CCND3: variants seen among roughly 807,000 people sequenced by gnomAD.
CCND3 encodes cyclin D3.
CCND3 carries 9 observed loss-of-function variants against 28.7 expected under a neutral mutation model. The ratio of observed to expected loss-of-function variants is 0.31; its 90% CI spans 0.19 to 0.55. The LOEUF (loss-of-function observed/expected upper bound fraction) is 0.55, where lower values mean the gene tolerates loss of function less well. Among genes scored for constraint, CCND3 ranks in the 20% least tolerant of loss-of-function variants. The pLI is 0.93. For missense variants in CCND3, 315 were observed against 385.8 expected (o/e 0.82, Z 1.54); for synonymous variants, 164 against 163.9 (o/e 1.00, Z 0.00).
intron 1 of CCND3, among the ~76,000 whole-genome samples, chr6:41,958,938 T>C (rs1055761741): frequency 6.6e-6 from 1 of 152,222 alleles, no homozygotes; most frequent in African/African-American, 2.4e-5. Flanking sequence ...TCAATAGAGT[T>C]ACCACCTAAC....
At chr6:42,022,079 T>C (rs1763727145) in intron 1 of CCND3, among the ~76,000 whole-genome samples, 1 of 152,212 alleles carries the variant, frequency 6.6e-6, no homozygotes. Flanking sequence ...TCTTTAATCC[T>C]TGAAACAGTC....
chr6:42,023,470 T>C (rs970287683), intron 1 of CCND3, among the ~76,000 whole-genome samples: 6 of 152,216 alleles, frequency 3.9e-5, no homozygotes, highest in African/African-American at 7.2e-5. Flanking sequence ...AACAAAGTTA[T>C]GTATTGATTA....
upstream of CCND3, among the ~76,000 whole-genome samples, chr6:41,946,595 C>CAAAA (rs35369019): frequency 0.065 from 1,358 of 20,922 alleles, 345 homozygotes; most frequent in Non-Finnish European, 0.074. Context: ...AGACCTGTCT[C>CAAAA]AAAAAAAAAA....
intron 1 of CCND3, among the ~76,000 whole-genome samples, chr6:42,030,981 G>T (rs1248752907): frequency 6.6e-6 from 1 of 152,134 alleles, no homozygotes; most frequent in Non-Finnish European, 1.5e-5. Context: ...GGGTCAAAGA[G>T]TGGAATGTGG....
intron 1 of CCND3, among the ~76,000 whole-genome samples, chr6:41,991,890 C>T (rs1005236320): frequency 6.6e-6 from 1 of 152,072 alleles, no homozygotes; most frequent in Non-Finnish European, 1.5e-5. Context: ...ACATAATGTC[C>T]TCAGTTTCAT....
upstream of CCND3, among the ~76,000 whole-genome samples, chr6:41,944,411 T>G (rs1161449745): frequency 6.6e-6 from 1 of 151,600 alleles, no homozygotes; most frequent in Non-Finnish European, 1.5e-5. Context: ...AATAGAAGGG[T>G]TTTTTGTGTT....
chr6:42,034,592 C>G (rs1764147528), intron 1 of CCND3, among the ~76,000 whole-genome samples: 1 of 150,908 alleles, frequency 6.6e-6, no homozygotes, highest in Non-Finnish European at 1.5e-5. Flanking sequence ...ATTCCCCTGC[C>G]TCAGCCTCCC....
At chr6:41,942,795 G>A (rs1776071917), upstream of CCND3, among the ~76,000 whole-genome samples, 1 of 151,848 alleles carries the variant, frequency 6.6e-6, no homozygotes, top group Non-Finnish European at 1.5e-5. Context: ...AGGAGGCCAT[G>A]AGGATCCCTG....
At position 41,999,919 on chromosome 6, in the gene CCND3, G is replaced by A. The variant is rs199629136; in HGVS notation, c.-46+48582C>T. On this transcript the variant is annotated intron_variant, in intron 1 of 4. Coordinates refer to the CCND3 transcript ENST00000372988. ...AATAAAATAAAATAAATCCACCATC[G>A]GAGTAGGATATTTTAATACATCTTT... Among the ~76,000 whole-genome samples the A allele has an allele frequency of 3.9e-5, 6 of 152,146 alleles. No homozygotes were observed. The East Asian group carries it at 9.7e-4, about 24-fold the overall frequency.
chr6:42,045,707 C>T (rs1006411929), intron 1 of CCND3, among the ~76,000 whole-genome samples: 2 of 152,242 alleles, frequency 1.3e-5, no homozygotes, highest in African/African-American at 2.4e-5. Flanking sequence ...GCCTTGACAG[C>T]TCTTTGAAAC....
At chr6:42,043,246 T>C (rs975899479) in intron 1 of CCND3, among the ~76,000 whole-genome samples, 23 of 152,016 alleles carry the variant, frequency 1.5e-4, no homozygotes, top group African/African-American at 5.6e-4. Context: ...TACAAAAAAC[T>C]AGCTGAGTAT....
chr6:41,953,973 G>A (rs898073752), intron 1 of CCND3, among the ~76,000 whole-genome samples: 4 of 151,792 alleles, frequency 2.6e-5, no homozygotes, highest in Non-Finnish European at 4.4e-5. Flanking sequence ...TTTGGTGGCC[G>A]GGGGCAGTGG....
intron 1 of CCND3, among the ~76,000 whole-genome samples, chr6:41,994,313 C>T (rs1470690025): frequency 1.3e-5 from 2 of 151,972 alleles, no homozygotes; most frequent in African/African-American, 4.8e-5. Flanking sequence ...TGTGTAAGTA[C>T]ACTCGATGAT....
At chr6:42,032,887 G>T (rs747680317) in intron 1 of CCND3, among the ~76,000 whole-genome samples, 5 of 152,176 alleles carry the variant, frequency 3.3e-5, no homozygotes, top group Non-Finnish European at 7.3e-5. Context: ...TGGTTCTGCA[G>T]CTTTCCTAGT....
At chr6:42,014,636 G>A (rs1265034026) in intron 1 of CCND3, among the ~76,000 whole-genome samples, 1 of 151,962 alleles carries the variant, frequency 6.6e-6, no homozygotes, top group Admixed American at 6.6e-5. Context: ...GAAATAAGAT[G>A]GGAAGGAGCT....
intron 1 of CCND3, among the ~76,000 whole-genome samples, chr6:42,002,988 C>T (rs1763057218): frequency 6.6e-6 from 1 of 151,352 alleles, no homozygotes; most frequent in African/African-American, 2.4e-5. Context: ...CATGGAGAAA[C>T]CCTGTGTCTA....
chr6:41,944,410 GT>G (rs1390835627), upstream of CCND3, among the ~76,000 whole-genome samples: 1 of 151,146 alleles, frequency 6.6e-6, no homozygotes, highest in African/African-American at 2.4e-5. Flanking sequence ...AAATAGAAGG[GT>G]TTTTTGTGTT....
intron 2 of CCND3, 83 bp downstream of exon 2, chr6:41,940,287 A>G (rs2127393423): frequency 7.9e-7 from 1 of 1,264,142 alleles, no homozygotes; most frequent in East Asian, 2.3e-5. Context: ...AGGGGGCAGA[A>G]AGCCTCTGAT....
At chr6:42,015,906 T>A (rs1763491762) in intron 1 of CCND3, among the ~76,000 whole-genome samples, 1 of 151,882 alleles carries the variant, frequency 6.6e-6, no homozygotes, top group Non-Finnish European at 1.5e-5. Flanking sequence ...AGTTTTCACG[T>A]ATACAATACG....
Sources: allele counts gnomAD v4.1 joint callset (sites outside exome capture counted in the v4.1 genomes callset), GRCh38; gene constraint gnomAD v4.1.1; transcripts MANE v1.5; gene names NCBI Gene and HGNC (gene_info 2026-07-23, HGNC 2026-07-21).